The following UBTD1 variants were observed in gnomAD, a reference collection of about 807,000 sequenced individuals.
UBTD1 encodes the protein ubiquitin domain-containing protein 1.
Under a neutral mutation model 21.7 loss-of-function variants are expected in UBTD1, and 19 were observed. The observed-to-expected ratio is 0.87, with a 90% CI of 0.61 to 1.28. The LOEUF (loss-of-function observed/expected upper bound fraction) is 1.28. UBTD1 is among the 50% of genes most tolerant of loss of function. UBTD1 has a pLI of 0.00. For synonymous variants in UBTD1, 116 were observed against 135.1 expected (o/e 0.86, Z 0.98); for missense variants, 282 against 315.1 (o/e 0.89, Z 0.80).
Position 97,499,145 on chromosome 10 carries a change from CG to C in UBTD1, c.-58del, listed in dbSNP as rs1432511246. 1 of 1,483,452 alleles carries C rather than the reference CG, an allele frequency of 6.7e-7. No individual in the cohort carries two copies. The highest frequency in any genetic ancestry group is 9.0e-7 in the Non-Finnish European group (1 of 1,110,120). The allele number at this position is 1,483,452 out of a possible 1,614,324, so 91.9% of individuals were successfully genotyped here. On this transcript the variant is annotated 5_prime_UTR_variant, in exon 1 of 3. Transcript: ENST00000370664. ...GCCATTGACCCGGGACGCCGCCGTCCGCTGAGCAGCCGACCACCCCGCCGCC... is the reference window on the plus strand; with the variant it reads ...GCCATTGACCCGGGACGCCGCCGTCCCTGAGCAGCCGACCACCCCGCCGCC...
intron 1 of UBTD1, among the ~76,000 whole-genome samples, chr10:97,506,578 T>C (rs1157452885): frequency 6.6e-6 from 1 of 152,234 alleles, no homozygotes. Flanking sequence ...TCTTTGTATT[T>C]ATTGTTGTAC....
In UBTD1 at chr10:97,568,037, A is replaced by G; in HGVS notation, c.194A>G (p.Lys65Arg). ...ACAGCGCCTGCCTTCGAGGGCCGCA[A>G]GGAGATCTGGGATGCCCTCAAGGCT... is the stretch of plus-strand genomic sequence containing the variant. ...WDTAPAFEGR[K>R]EIWDALKAAA... The change falls in exon 2 of 3, where the codon AAG (lysine) becomes AGG (arginine). Residue 65 changes from lysine (K) to arginine (R), a missense_variant. By Grantham distance (26) the Lys-to-Arg change is conservative. Transcript: ENST00000370664. 6.2e-7 allele frequency: 1 copy of G among 1,614,010 alleles called. No individual in the cohort carries two copies. Among genetic ancestry groups the G allele is most frequent in the Non-Finnish European group, 8.5e-7 (1 of 1,180,038 alleles).
intron 1 of UBTD1, among the ~76,000 whole-genome samples, chr10:97,530,937 G>C (rs1398423751): frequency 6.6e-6 from 1 of 151,720 alleles, no homozygotes; most frequent in Non-Finnish European, 1.5e-5. Flanking sequence ...GCCCAGGCTG[G>C]AGTGCAGTGG....
At position 97,499,218 on chromosome 10, in the gene UBTD1, G is replaced by A. The variant is rs2040297917; in HGVS notation, c.15G>A (p.Val5=). The A allele has an allele frequency of 6.5e-7, 1 of 1,547,978 alleles. No individual in the cohort carries two copies. The highest frequency in any genetic ancestry group is 8.7e-7 in the Non-Finnish European group (1 of 1,145,704). Residue 5 remains valine (V), a synonymous_variant, in exon 1 of 3, where the codon GTG becomes GTA. Transcript: ENST00000370664. The part of the protein sequence containing the change: MGNC[V]GRQRRERPAA... ...GAGGAGCCAGCATGGGCAACTGCGT[G>A]GGGAGACAGCGCCGGGAGAGGCCGG...
At chr10:97,502,188 A>AT (rs550102757) in intron 1 of UBTD1, among the ~76,000 whole-genome samples, 172 of 146,810 alleles carry the variant, frequency 1.2e-3, no homozygotes, top group East Asian at 8.1e-3. Context: ...ATATATCTGC[A>AT]TTTTTTTTTT....
At chr10:97,530,243 A>C (rs1333460686) in intron 1 of UBTD1, among the ~76,000 whole-genome samples, 1 of 152,010 alleles carries the variant, frequency 6.6e-6, no homozygotes, top group East Asian at 1.9e-4. Flanking sequence ...TGAATCGATG[A>C]ATGAATGAAG....
intron 1 of UBTD1, among the ~76,000 whole-genome samples, chr10:97,533,825 A>G (rs2040545610): frequency 6.6e-6 from 1 of 151,520 alleles, no homozygotes; most frequent in Non-Finnish European, 1.5e-5. Flanking sequence ...CAGGAGGTTG[A>G]GGCAGGGGAA....
chr10:97,570,052 C>T lies in UBTD1; in HGVS notation c.299-86C>T. 6.6e-7 allele frequency: 1 copy of T among 1,505,628 alleles called. No homozygotes were observed. The highest frequency in any genetic ancestry group is 8.9e-7 in the Non-Finnish European group (1 of 1,124,310). 93.3% of individuals were successfully genotyped at this position (1,505,628 alleles called of 1,614,324 possible). ...ACAGTCACATTGGGGGTTAGAGTTT[C>T]ACCATATGAATTTGGGGGGACCCAA... is the stretch of plus-strand genomic sequence containing the variant. On this transcript the variant is annotated intron_variant, in intron 2 of 2. Transcript: ENST00000370664. This position sits in a 1 kb window ranked among gnomAD's most constrained non-coding sequence, Gnocchi z 6.6.
intron 1 of UBTD1, among the ~76,000 whole-genome samples, chr10:97,510,185 G>A (rs978467427): frequency 1.4e-4 from 21 of 149,492 alleles, no homozygotes; most frequent in Non-Finnish European, 2.2e-4. Context: ...GGCTGATCTC[G>A]AACTCCTGGC....
intron 1 of UBTD1, among the ~76,000 whole-genome samples, chr10:97,555,502 C>T (rs954776546): frequency 3.3e-5 from 5 of 152,102 alleles, no homozygotes; most frequent in Admixed American, 6.6e-5. Context: ...TCTCAGACAC[C>T]GAGTTGTAGA....
At chr10:97,569,706 G>A (rs768853914) in intron 2 of UBTD1, among the ~76,000 whole-genome samples, 1 of 152,200 alleles carries the variant, frequency 6.6e-6, no homozygotes, top group Non-Finnish European at 1.5e-5. Context: ...GGACTCTGTT[G>A]CTGGCTTGCA....
chr10:97,533,463 C>T (rs577788684), intron 1 of UBTD1, among the ~76,000 whole-genome samples: 64 of 152,300 alleles, frequency 4.2e-4, no homozygotes, highest in Non-Finnish European at 7.8e-4. Flanking sequence ...CTATATTCTA[C>T]GCCATAGCGG....
At chr10:97,548,965 C>T (rs908815068) in intron 1 of UBTD1, among the ~76,000 whole-genome samples, 17 of 152,280 alleles carry the variant, frequency 1.1e-4, no homozygotes, top group African/African-American at 3.6e-4. Flanking sequence ...GCTGGACTCA[C>T]GGACCAGAGA....
intron 1 of UBTD1, among the ~76,000 whole-genome samples, chr10:97,544,220 G>A (rs10748698): frequency 0.26 from 38,881 of 151,684 alleles, 5,252 homozygotes; most frequent in East Asian, 0.45. Context: ...TTGAACCTGG[G>A]AGGCAGAGGT....
intron 1 of UBTD1, among the ~76,000 whole-genome samples, chr10:97,537,008 G>A (rs991675984): frequency 6.6e-6 from 1 of 152,100 alleles, no homozygotes; most frequent in African/African-American, 2.4e-5. Context: ...TGGAGTAGAC[G>A]TGCATTCGGA....
intron 1 of UBTD1, among the ~76,000 whole-genome samples, chr10:97,526,271 A>ACAAGTTAC (rs1394743792): frequency 6.6e-6 from 1 of 152,204 alleles, no homozygotes; most frequent in Non-Finnish European, 1.5e-5. Flanking sequence ...GGTAACAAGA[A>ACAAGTTAC]CCTTAAAACT....
chr10:97,554,253 T>TG (rs1042371418), intron 1 of UBTD1, among the ~76,000 whole-genome samples: 1 of 150,104 alleles, frequency 6.7e-6, no homozygotes, highest in African/African-American at 2.4e-5. Context: ...TTTCGTTTTT[T>TG]TTTTTTTTTC....
At chr10:97,557,686 C>T (rs949751870) in intron 1 of UBTD1, among the ~76,000 whole-genome samples, 1 of 152,078 alleles carries the variant, frequency 6.6e-6, no homozygotes. Flanking sequence ...TCTGTTCTAG[C>T]TGTTACCTTA....
intron 1 of UBTD1, among the ~76,000 whole-genome samples, chr10:97,517,347 G>A (rs990877559): frequency 6.6e-6 from 1 of 152,090 alleles, no homozygotes; most frequent in African/African-American, 2.4e-5. Flanking sequence ...AGAGATCTGG[G>A]GATGTTTACA....
Sources: allele counts gnomAD v4.1 joint callset (sites outside exome capture counted in the v4.1 genomes callset), GRCh38; gene constraint gnomAD v4.1.1; non-coding constraint Gnocchi (gnomAD v3.1); transcripts MANE v1.5; gene names NCBI Gene and HGNC (gene_info 2026-07-23, HGNC 2026-07-21).